The following CADPS variants were observed in gnomAD, a reference collection of about 807,000 sequenced individuals.
CADPS encodes the protein calcium dependent secretion activator.
Under a neutral mutation model 167.3 loss-of-function variants are expected in CADPS, and 57 were observed. The ratio of observed to expected loss-of-function variants is 0.34; its 90% CI spans 0.28 to 0.42. CADPS has a LOEUF of 0.42. CADPS is among the 20% of genes least tolerant of loss of function. The pLI, the probability that CADPS is intolerant of heterozygous loss-of-function variation, is 1.00. For missense variants in CADPS, 1,414 were observed against 1,738.1 expected (o/e 0.81, Z 3.32); for synonymous variants, 676 against 635.3 (o/e 1.06, Z -0.96).
chr3:62,484,790 A>G (rs1349593), intron 21 of CADPS, among the ~76,000 whole-genome samples: 22,903 of 152,150 alleles, frequency 0.15, 2,345 homozygotes, highest in African/African-American at 0.29. Flanking sequence ...ATAGAGTTGT[A>G]CCTTTCTCAA....
chr3:62,712,533 A>T (rs2083596457), intron 3 of CADPS, among the ~76,000 whole-genome samples: 1 of 152,160 alleles, frequency 6.6e-6, no homozygotes, highest in African/African-American at 2.4e-5. Flanking sequence ...TAGGTTATAG[A>T]TGCGTTTCTT....
At chr3:62,520,384 T>C (rs769289862) in intron 13 of CADPS, among the ~76,000 whole-genome samples, 63 of 152,346 alleles carry the variant, frequency 4.1e-4, no homozygotes, top group Non-Finnish European at 5.9e-4. Context: ...GATTATGTTT[T>C]TTCCTTTTGT....
intron 1 of CADPS, among the ~76,000 whole-genome samples, chr3:62,861,106 C>A (rs1409200287): frequency 2.6e-5 from 4 of 152,104 alleles, no homozygotes; most frequent in African/African-American, 7.2e-5. Context: ...TTTATGCTTT[C>A]TTGGGGCTAA....
At chr3:62,694,117 T>C (rs1011327724) in intron 3 of CADPS, among the ~76,000 whole-genome samples, 12 of 152,088 alleles carry the variant, frequency 7.9e-5, no homozygotes, top group Non-Finnish European at 1.0e-4. Flanking sequence ...TAACCCAGAC[T>C]TCCTCTCACG....
intron 1 of CADPS, among the ~76,000 whole-genome samples, chr3:62,868,945 G>A (rs2082168256): frequency 6.6e-6 from 1 of 152,098 alleles, no homozygotes; most frequent in African/African-American, 2.4e-5. Flanking sequence ...CCTACAATCA[G>A]TTGTTCATTA....
intron 3 of CADPS, among the ~76,000 whole-genome samples, chr3:62,664,659 A>G (rs1300846157): frequency 1.3e-5 from 2 of 152,264 alleles, no homozygotes; most frequent in East Asian, 3.8e-4. Context: ...GGAAGCAGCA[A>G]AATGATTTGG....
chr3:62,685,788 T>G (rs1176843434), intron 3 of CADPS, among the ~76,000 whole-genome samples: 1 of 152,076 alleles, frequency 6.6e-6, no homozygotes, highest in African/African-American at 2.4e-5. Flanking sequence ...CCTAGATCCC[T>G]CGCATGTGCG....
At chr3:62,630,654 C>A (rs951086240) in intron 6 of CADPS, among the ~76,000 whole-genome samples, 1 of 152,130 alleles carries the variant, frequency 6.6e-6, no homozygotes, top group Non-Finnish European at 1.5e-5. Flanking sequence ...CATGCAGTTT[C>A]TTTTTAAAGT....
At chr3:62,711,061 T>C (rs1007566888) in intron 3 of CADPS, among the ~76,000 whole-genome samples, 1 of 152,202 alleles carries the variant, frequency 6.6e-6, no homozygotes, top group Non-Finnish European at 1.5e-5. Context: ...TTGTAATTTC[T>C]TTGGGGCCAA....
At chr3:62,529,919 G>A (rs921418537) in intron 13 of CADPS, among the ~76,000 whole-genome samples, 17 of 152,102 alleles carry the variant, frequency 1.1e-4, no homozygotes, top group African/African-American at 3.4e-4. Flanking sequence ...TTTGGGTGAC[G>A]GTATAAAAGG....
At chr3:62,733,708 G>T (rs1355918613) in intron 3 of CADPS, among the ~76,000 whole-genome samples, 1 of 151,914 alleles carries the variant, frequency 6.6e-6, no homozygotes, top group Non-Finnish European at 1.5e-5. Flanking sequence ...TTTTAATTTG[G>T]GTAGTTTTTG....
At chr3:62,556,564 T>C (rs530273145) in intron 10 of CADPS, among the ~76,000 whole-genome samples, 1 of 152,168 alleles carries the variant, frequency 6.6e-6, no homozygotes, top group South Asian at 2.1e-4. Flanking sequence ...AGATTTGGCA[T>C]AAAAATAAAC....
chr3:62,570,833 T>C, intron 9 of CADPS, 39 bp downstream of exon 9: 2 of 1,334,074 alleles, frequency 1.5e-6, no homozygotes, highest in Non-Finnish European at 2.2e-6. Flanking sequence ...TAGCAAATCT[T>C]TAATACTGAT....
At chr3:62,842,157 A>C (rs2076733498) in intron 1 of CADPS, among the ~76,000 whole-genome samples, 1 of 152,222 alleles carries the variant, frequency 6.6e-6, no homozygotes, top group African/African-American at 2.4e-5. Flanking sequence ...TAGAGTGCTC[A>C]TGTATCCATT....
chr3:62,416,465 C>T (rs1310520429), intron 28 of CADPS, among the ~76,000 whole-genome samples: 1 of 152,074 alleles, frequency 6.6e-6, no homozygotes, highest in Non-Finnish European at 1.5e-5. Context: ...CTGGAAAGCT[C>T]CAAATAGAGT....
At chr3:62,440,519 A>C (rs1576084106) in intron 27 of CADPS, 1 of 126,324 alleles carries the variant, frequency 7.9e-6, no homozygotes, top group African/African-American at 2.9e-5. Flanking sequence ...ATAATATTAT[A>C]CCATTCCACA....
chr3:62,868,756 T>C (rs1346795924), intron 1 of CADPS, among the ~76,000 whole-genome samples: 1 of 152,170 alleles, frequency 6.6e-6, no homozygotes, highest in Non-Finnish European at 1.5e-5. Flanking sequence ...TGTCTTATTT[T>C]GTAATGTAAA....
chr3:62,728,852 C>CT lies in CADPS; in HGVS notation c.888+24588dup, dbSNP rs111877492. Among the ~76,000 whole-genome samples the CT allele has an allele frequency of 3.8e-3, 584 of 151,982 alleles. 20 individuals carry two copies. The highest frequency in any genetic ancestry group is 0.014 in the African/African-American group (558 of 41,278). On this transcript the variant is annotated intron_variant, in intron 3 of 29. Transcript: ENST00000383710. Reference sequence around the variant, plus strand: ...AGAGATGAGCAAGTGTGTTTAAAACCTTAAGCAGCTTCTTGTGTCCACTAG... The same window carrying CT: ...AGAGATGAGCAAGTGTGTTTAAAACCTTTAAGCAGCTTCTTGTGTCCACTAG...
chr3:62,755,107 A>G (rs1163396627), intron 2 of CADPS, among the ~76,000 whole-genome samples: 1 of 152,208 alleles, frequency 6.6e-6, no homozygotes, highest in Non-Finnish European at 1.5e-5. Flanking sequence ...CTGAGACTTC[A>G]GAGAGGGGAA....
Sources: allele counts gnomAD v4.1 joint callset (sites outside exome capture counted in the v4.1 genomes callset), GRCh38; gene constraint gnomAD v4.1.1; transcripts MANE v1.5; gene names NCBI Gene and HGNC (gene_info 2026-07-23, HGNC 2026-07-21).